Variants in ACYP2 observed in about 807,000 individuals in gnomAD.
ACYP2 encodes acylphosphatase-2.
Under a neutral mutation model 11.2 loss-of-function variants are expected in ACYP2, and 12 were observed. The observed-to-expected ratio is 1.08, with a 90% CI of 0.69 to 1.74. The LOEUF is 1.74. ACYP2 is among the 40% of genes most tolerant of loss of function. The pLI, the probability that ACYP2 is intolerant of heterozygous loss-of-function variation, is 0.00. For synonymous variants in ACYP2, 43 were observed against 32.2 expected, an observed-to-expected ratio of 1.33 and a Z score of -1.13; for missense variants, 134 against 101.9, an observed-to-expected ratio of 1.31 and a Z score of -1.35.
intron 3 of ACYP2, among the ~76,000 whole-genome samples, chr2:54,053,426 A>G (rs1225905813): frequency 6.6e-6 from 1 of 152,032 alleles, no homozygotes; most frequent in African/African-American, 2.4e-5. Flanking sequence ...TGGCAGCCCA[A>G]CTCACTCTGC....
intron 6 of ACYP2, among the ~76,000 whole-genome samples, chr2:54,236,142 C>T (rs1054764022): frequency 4.6e-5 from 7 of 151,942 alleles, no homozygotes; most frequent in African/African-American, 9.7e-5. Flanking sequence ...CACCATGTTG[C>T]CCAGGCTGGT....
intron 6 of ACYP2, among the ~76,000 whole-genome samples, chr2:54,251,521 A>G (rs995076128): frequency 2.0e-5 from 3 of 152,214 alleles, no homozygotes; most frequent in African/African-American, 4.8e-5. Flanking sequence ...TCAAGACACA[A>G]AACATCACCA....
intron 6 of ACYP2, among the ~76,000 whole-genome samples, chr2:54,200,391 T>C (rs1317104928): frequency 6.6e-6 from 1 of 152,114 alleles, no homozygotes; most frequent in Non-Finnish European, 1.5e-5. Flanking sequence ...AAGGCTTGAG[T>C]TGGATACCCA....
chr2:53,992,631 G>A (rs1051845241), intron 2 of ACYP2, among the ~76,000 whole-genome samples: 1 of 152,054 alleles, frequency 6.6e-6, no homozygotes, highest in Non-Finnish European at 1.5e-5. Flanking sequence ...AGGAGTTTGA[G>A]AACAGCCTGG....
At chr2:54,073,205 G>C (rs141695802) in intron 4 of ACYP2, among the ~76,000 whole-genome samples, 4 of 152,218 alleles carry the variant, frequency 2.6e-5, no homozygotes, top group African/African-American at 9.6e-5. Flanking sequence ...AATGAAGGCG[G>C]ACTCTGACTT....
intron 6 of ACYP2, among the ~76,000 whole-genome samples, chr2:54,264,643 G>T (rs986293374): frequency 2.6e-5 from 4 of 152,210 alleles, no homozygotes; most frequent in African/African-American, 9.6e-5. Context: ...GTCTGGAGAT[G>T]GGTGGATGCA....
chr2:54,273,788 A>C (rs71413258), intron 6 of ACYP2, among the ~76,000 whole-genome samples: 12 of 152,310 alleles, frequency 7.9e-5, no homozygotes, highest in Non-Finnish European at 1.2e-4. Flanking sequence ...TTATGCCTGA[A>C]TAATTCTGAA....
chr2:54,100,487 T>G (rs988758976), intron 4 of ACYP2, among the ~76,000 whole-genome samples: 1 of 151,962 alleles, frequency 6.6e-6, no homozygotes, highest in African/African-American at 2.4e-5. Flanking sequence ...AAGATTTTTT[T>G]TTTTAGAGAT....
chr2:54,198,012 GTATTGTATTGTATTGTATTGTATTT>G (rs2103901179), intron 6 of ACYP2, among the ~76,000 whole-genome samples: 1 of 110,274 alleles, frequency 9.1e-6, no homozygotes, highest in African/African-American at 4.2e-5. Flanking sequence ...GTATTGTATT[GTATTGTATTGTATTGTATTGTATTT>G]TAAGACAGTT....
intron 6 of ACYP2, among the ~76,000 whole-genome samples, chr2:54,285,755 C>A (rs1689052535): frequency 6.6e-6 from 1 of 152,176 alleles, no homozygotes; most frequent in South Asian, 2.1e-4. Context: ...GCTAGAAAAC[C>A]TTTTTAACAT....
chr2:54,105,755 A>G lies in ACYP2; in HGVS notation c.278-29698A>G, dbSNP rs528131823. On this transcript the variant is annotated intron_variant, in intron 4 of 6. Coordinates refer to ENST00000607452, the MANE Select transcript of ACYP2 (RefSeq NM_001320586.2). Reference sequence around the variant, plus strand: ...GCGATCCTCCTGCCTCAGGCCCCCAAATTGCTGAGATTACAGGCATGAGCC... The same window carrying G: ...GCGATCCTCCTGCCTCAGGCCCCCAGATTGCTGAGATTACAGGCATGAGCC... 6.6e-5 allele frequency among the ~76,000 whole-genome samples: 10 copies of G among 152,094 alleles called. No homozygotes were observed. The East Asian group carries it at 1.7e-3, about 26-fold the overall frequency.
intron 6 of ACYP2, among the ~76,000 whole-genome samples, chr2:54,191,202 G>A (rs1684224580): frequency 6.6e-6 from 1 of 151,936 alleles, no homozygotes; most frequent in Admixed American, 6.6e-5. Flanking sequence ...CTTTCACTCA[G>A]AATAAAACCC....
chr2:54,094,697 C>A (rs556720175), intron 4 of ACYP2, among the ~76,000 whole-genome samples: 1 of 151,982 alleles, frequency 6.6e-6, no homozygotes, highest in South Asian at 2.1e-4. Context: ...GCCACCACGC[C>A]CAGCTAATTT....
At chr2:54,134,874 G>T (rs1287593807) in intron 4 of ACYP2, among the ~76,000 whole-genome samples, 1 of 152,188 alleles carries the variant, frequency 6.6e-6, no homozygotes, top group Non-Finnish European at 1.5e-5. Flanking sequence ...TTTACAATTT[G>T]AGGTATAACA....
intron 4 of ACYP2, among the ~76,000 whole-genome samples, chr2:54,131,047 T>G (rs1156405459): frequency 1.3e-5 from 2 of 152,240 alleles, no homozygotes; most frequent in African/African-American, 4.8e-5. Context: ...CTTGTCCATC[T>G]TTCCCACTAG....
At chr2:54,298,421 C>G (rs187495958) in intron 6 of ACYP2, among the ~76,000 whole-genome samples, 3 of 152,318 alleles carry the variant, frequency 2.0e-5, no homozygotes, top group Non-Finnish European at 2.9e-5. Flanking sequence ...CCTCCTCAAC[C>G]CTACTTAAGT....
chr2:53,994,201 G>A (rs1280162223), intron 2 of ACYP2, among the ~76,000 whole-genome samples: 1 of 151,918 alleles, frequency 6.6e-6, no homozygotes, highest in Non-Finnish European at 1.5e-5. Flanking sequence ...GTGGTGGCAG[G>A]CGCCTGTAGC....
chr2:54,226,257 C>G (rs1349749942), intron 6 of ACYP2, among the ~76,000 whole-genome samples: 1 of 152,128 alleles, frequency 6.6e-6, no homozygotes, highest in Non-Finnish European at 1.5e-5. Flanking sequence ...TTTAAATACC[C>G]AAGTGAGTAA....
intron 2 of ACYP2, among the ~76,000 whole-genome samples, chr2:54,015,702 C>T (rs1026935553): frequency 2.0e-5 from 3 of 150,934 alleles, no homozygotes; most frequent in Non-Finnish European, 4.4e-5. Context: ...AGAATCTCAG[C>T]CTGTGCCCCA....
Sources: allele counts gnomAD v4.1 joint callset (sites outside exome capture counted in the v4.1 genomes callset), GRCh38; gene constraint gnomAD v4.1.1; transcripts MANE v1.5; gene names NCBI Gene and HGNC (gene_info 2026-07-23, HGNC 2026-07-21).